Variants in KIF5B observed in about 807,000 individuals in gnomAD.
KIF5B encodes the protein kinesin family member 5B, also known as kinesin-1 heavy chain.
A neutral mutation model predicts 132.8 loss-of-function variants in KIF5B; 49 were observed. The ratio of observed to expected loss-of-function variants is 0.37; its 90% CI spans 0.29 to 0.47. KIF5B has a LOEUF of 0.47. Among genes scored for constraint, KIF5B ranks in the 20% least tolerant of loss-of-function variants. KIF5B has a pLI of 1.00. For missense variants in KIF5B, 780 were observed against 1,144.0 expected, an observed-to-expected ratio of 0.68 and a Z score of 4.59; for synonymous variants, 355 against 369.4, an observed-to-expected ratio of 0.96 and a Z score of 0.45.
intron 16 of KIF5B, among the ~76,000 whole-genome samples, chr10:32,022,539 G>A (rs1422727715): frequency 1.3e-5 from 2 of 152,090 alleles, no homozygotes; most frequent in African/African-American, 4.8e-5. Context: ...TCTGATAGTG[G>A]TGAATGGCCC....
At position 32,015,601 on chromosome 10, in the gene KIF5B, A is replaced by T; in HGVS notation, c.2820T>A (p.Ile940=). ...TCTGAACAAATGCACCTCCTCCACG[A>T]ATTGCACTTGGGTGAGTTGGAGAAG... The part of the protein sequence containing the change: ...PAASPTHPSA[I]RGGGAFVQNS... The change falls in exon 25 of 26, where the codon ATT becomes ATA. Residue 940 remains isoleucine, a synonymous_variant. Coordinates refer to ENST00000302418, the MANE Select transcript of KIF5B (RefSeq NM_004521.3). 1 of 1,613,814 alleles carries T rather than the reference A, an allele frequency of 6.2e-7. No individual in the cohort carries two copies. The highest frequency in any genetic ancestry group is 8.5e-7 in the Non-Finnish European group (1 of 1,179,814).
At chr10:32,028,624 A>G (rs1299739430) in intron 14 of KIF5B, 53 bp from the exon 15 acceptor site, 3 of 1,453,150 alleles carry the variant, frequency 2.1e-6, no homozygotes, top group Non-Finnish European at 2.9e-6. Flanking sequence ...TGAAAATTCA[A>G]ATCAAATACT....
chr10:32,053,255 A>C (rs1391500886), intron 1 of KIF5B, among the ~76,000 whole-genome samples: 1 of 152,210 alleles, frequency 6.6e-6, no homozygotes, highest in Non-Finnish European at 1.5e-5. Context: ...ACCTTTTACA[A>C]AATGAAATAA....
In KIF5B at chr10:32,028,879, C is replaced by T. The variant is rs12777062; in HGVS notation, c.1582-308G>A. ...TAAAAATGGGAAGCCTCAAATTTAA[C>T]TAGATTTGATTATCACTTATTACTA... On this transcript the variant is annotated intron_variant, in intron 14 of 25. Transcript: ENST00000302418. Among the ~76,000 whole-genome samples the T allele has an allele frequency of 4.9e-3, 745 of 152,268 alleles. 7 individuals carry two copies. Among genetic ancestry groups the T allele is most frequent in the Non-Finnish European group, 8.4e-3 (569 of 68,018 alleles).
chr10:32,015,546 C>CT lies in KIF5B; in HGVS notation c.2874dup (p.Gly959ArgfsTer32). The CT allele has an allele frequency of 6.2e-7, 1 of 1,611,984 alleles. No homozygotes were observed. The highest frequency in any genetic ancestry group is 8.5e-7 in the Non-Finnish European group (1 of 1,179,012). On this transcript the variant is annotated frameshift_variant, in exon 25 of 26. Transcript: ENST00000302418. LOFTEE classifies it high-confidence loss of function. ...ATAAACGATTACACTTGTTTGCCTC[C>CT]TCCACCTCGCACTGCCACTGGCTGG... is the stretch of plus-strand genomic sequence containing the variant.
At chr10:32,039,197 C>T in intron 4 of KIF5B, 130 bp downstream of exon 4, 1 of 535,132 alleles carries the variant, frequency 1.9e-6, no homozygotes, top group Non-Finnish European at 3.3e-6. Context: ...AGTTTACTAA[C>T]CTGAATGATC....
At chr10:32,044,877 A>G (rs1271473548) in intron 2 of KIF5B, among the ~76,000 whole-genome samples, 1 of 152,178 alleles carries the variant, frequency 6.6e-6, no homozygotes, top group African/African-American at 2.4e-5. Flanking sequence ...TCTAAAGATT[A>G]TACTCTTACC....
chr10:32,019,023 T>TA (rs35420462), intron 20 of KIF5B, among the ~76,000 whole-genome samples: 145,931 of 152,288 alleles, frequency 0.96, 70,226 homozygotes, highest in East Asian at 1. Flanking sequence ...ATATGCCTTC[T>TA]AAACAACAGT....
At chr10:32,047,451 G>A (rs1841627068) in intron 2 of KIF5B, among the ~76,000 whole-genome samples, 1 of 152,062 alleles carries the variant, frequency 6.6e-6, no homozygotes, top group Non-Finnish European at 1.5e-5. Context: ...AACTCTTTCA[G>A]CAGCTAACCT....
chr10:32,015,793 CTT>C, intron 24 of KIF5B, 134 bp from the exon 25 acceptor site: 1 of 685,352 alleles, frequency 1.5e-6, no homozygotes, highest in South Asian at 2.0e-5. Context: ...TTCTCCATCA[CTT>C]TTTCTTTTCT....
intron 2 of KIF5B, among the ~76,000 whole-genome samples, chr10:32,041,992 A>C (rs544095785): frequency 6.6e-6 from 1 of 152,280 alleles, no homozygotes; most frequent in African/African-American, 2.4e-5. Context: ...TTATTAGGTC[A>C]AAGGGGGGAA....
chr10:32,018,650 G>C, intron 20 of KIF5B, 88 bp from the exon 21 acceptor site: 1 of 980,470 alleles, frequency 1.0e-6, no homozygotes, highest in Non-Finnish European at 1.5e-6. Context: ...TTTTGTGTCT[G>C]AAAGGATAAA....
intron 8 of KIF5B, 29 bp from the exon 9 acceptor site, chr10:32,036,023 C>A: frequency 7.1e-7 from 1 of 1,399,172 alleles, no homozygotes; most frequent in Non-Finnish European, 9.8e-7. Flanking sequence ...AAGAATGAAA[C>A]AAAATTACAA....
intron 22 of KIF5B, 21 bp from the exon 23 acceptor site, chr10:32,018,177 T>C: frequency 6.5e-7 from 1 of 1,545,516 alleles, no homozygotes; most frequent in Non-Finnish European, 8.8e-7. Flanking sequence ...AAGGTAAGTA[T>C]TACAAAAAAA....
At chr10:32,047,762 A>G (rs1841632349) in intron 2 of KIF5B, among the ~76,000 whole-genome samples, 1 of 152,200 alleles carries the variant, frequency 6.6e-6, no homozygotes, top group African/African-American at 2.4e-5. Context: ...TGAATGCCAC[A>G]ACACAGATTT....
intron 19 of KIF5B, 103 bp from the exon 20 acceptor site, chr10:32,020,062 C>T (rs2132583538): frequency 1.3e-6 from 1 of 777,764 alleles, no homozygotes; most frequent in Non-Finnish European, 2.1e-6. Context: ...TCATCAAGGA[C>T]TTTTCTGTTA....
chr10:32,041,131 G>C (rs573307976), intron 2 of KIF5B, among the ~76,000 whole-genome samples: 106 of 139,698 alleles, frequency 7.6e-4, no homozygotes, highest in Non-Finnish European at 1.2e-3. Flanking sequence ...GGGTGACACA[G>C]TGAGACTCTG....
rs752313913 is a variant in KIF5B at position 32,015,613 on chromosome 10, G to A, written c.2808C>T (p.His936=). Residue 936 remains histidine (H), a synonymous_variant, in exon 25 of 26, where the codon CAC becomes CAT. Transcript: ENST00000302418. ...CACCTCCTCCACGAATTGCACTTGGGTGAGTTGGAGAAGCTGCTGGATGTT... is the reference window on the plus strand; with the variant it reads ...CACCTCCTCCACGAATTGCACTTGGATGAGTTGGAGAAGCTGCTGGATGTT... ...PGQHPAASPT[H]PSAIRGGGAF... The A allele has an allele frequency of 6.2e-7, 1 of 1,613,612 alleles. No homozygotes were observed. The highest frequency in any genetic ancestry group is 8.5e-7 in the Non-Finnish European group (1 of 1,179,710).
chr10:32,043,562 T>C (rs1352653044), intron 2 of KIF5B, among the ~76,000 whole-genome samples: 1 of 151,942 alleles, frequency 6.6e-6, no homozygotes, highest in Non-Finnish European at 1.5e-5. Flanking sequence ...GAAGCCATGG[T>C]GGAAAAAACA....
Sources: allele counts gnomAD v4.1 joint callset (sites outside exome capture counted in the v4.1 genomes callset), GRCh38; gene constraint gnomAD v4.1.1; transcripts MANE v1.5; gene names NCBI Gene and HGNC (gene_info 2026-07-23, HGNC 2026-07-21).